PKIB: variants seen among roughly 807,000 people sequenced by gnomAD.
PKIB encodes PKI-beta.
In PKIB, 2 loss-of-function variants were observed where a neutral mutation model predicts 4.5. That is an observed-to-expected ratio of 0.44 (90% CI 0.18 to 1.39). PKIB has a LOEUF of 1.39. PKIB is among the 40% of genes most tolerant of loss of function. The pLI is 0.27. For missense variants in PKIB, 94 were observed against 92.6 expected (o/e 1.02, Z -0.06); for synonymous variants, 38 against 36.0 (o/e 1.06, Z -0.20).
intron 2 of PKIB, among the ~76,000 whole-genome samples, chr6:122,584,490 A>G (rs1773795741): frequency 6.6e-6 from 1 of 152,170 alleles, no homozygotes; most frequent in Non-Finnish European, 1.5e-5. Flanking sequence ...CCTGTAATAT[A>G]CTGACTAACT....
At chr6:122,486,162 C>G (rs769728640) in intron 2 of PKIB, among the ~76,000 whole-genome samples, 1 of 152,126 alleles carries the variant, frequency 6.6e-6, no homozygotes, top group Non-Finnish European at 1.5e-5. Flanking sequence ...TCTTTTAAAT[C>G]CATCACTGTC....
chr6:122,563,583 G>T (rs754004870), intron 2 of PKIB, among the ~76,000 whole-genome samples: 1 of 151,972 alleles, frequency 6.6e-6, no homozygotes, highest in African/African-American at 2.4e-5. Context: ...AACATCAGGC[G>T]GGGGCAGGAC....
intron 2 of PKIB, among the ~76,000 whole-genome samples, chr6:122,504,487 A>T (rs1465258592): frequency 6.6e-6 from 1 of 152,158 alleles, no homozygotes. Context: ...GTTGCTCAGA[A>T]AATGCAACCC....
rs1778146345 is a variant in PKIB at position 122,687,643 on chromosome 6, T to G, written c.-9+12499T>G. Among the ~76,000 whole-genome samples, 6 of 152,184 alleles carry G rather than the reference T, an allele frequency of 3.9e-5. No individual in the cohort carries two copies. The South Asian group carries it at 1.2e-3, about 32-fold the overall frequency. On this transcript the variant is annotated intron_variant, in intron 3 of 4. Coordinates refer to ENST00000368452, the MANE Select transcript of PKIB (RefSeq NM_181795.3). ...ATTTTTTGTGTCCTCTTTAATTTCTTTTGTCAGGGTTTTAGTTTTTATTGT... is the reference window on the plus strand; with the variant it reads ...ATTTTTTGTGTCCTCTTTAATTTCTGTTGTCAGGGTTTTAGTTTTTATTGT...
chr6:122,665,815 C>G (rs956178387), intron 2 of PKIB, among the ~76,000 whole-genome samples: 3 of 152,124 alleles, frequency 2.0e-5, no homozygotes, highest in East Asian at 1.9e-4. Flanking sequence ...TCCTCCACCC[C>G]CTAACCTGAC....
chr6:122,509,268 T>C (rs1373742319), intron 2 of PKIB, among the ~76,000 whole-genome samples: 6 of 152,186 alleles, frequency 3.9e-5, no homozygotes, highest in African/African-American at 1.4e-4. Context: ...TTATTTAGGA[T>C]AATGATTATT....
At chr6:122,487,770 T>C (rs1775812189) in intron 2 of PKIB, among the ~76,000 whole-genome samples, 1 of 152,186 alleles carries the variant, frequency 6.6e-6, no homozygotes, top group Non-Finnish European at 1.5e-5. Flanking sequence ...CTGTTGTTTA[T>C]ACGCTACCCA....
chr6:122,717,817 T>TGACTGAC lies in PKIB; in HGVS notation c.25_31dup (p.Val11AspfsTer2). The TGACTGAC allele has an allele frequency of 1.2e-6, 2 of 1,614,124 alleles. No individual in the cohort carries two copies. The highest frequency in any genetic ancestry group is 1.7e-6 in the Non-Finnish European group (2 of 1,179,986). On this transcript the variant is annotated frameshift_variant, in exon 4 of 5. Transcript: ENST00000368452. LOFTEE classifies it high-confidence loss of function. ...GCTATGAGGACAGATTCATCAAAAA[T>TGACTGAC]GACTGACGTGGAGTCTGGGGTCGCC...
At chr6:122,560,274 CT>C (rs376978096) in intron 2 of PKIB, among the ~76,000 whole-genome samples, 41 of 145,994 alleles carry the variant, frequency 2.8e-4, no homozygotes, top group African/African-American at 3.8e-4. Flanking sequence ...TTGTTGAATG[CT>C]TTTTTTTTTG....
intron 2 of PKIB, among the ~76,000 whole-genome samples, chr6:122,558,631 A>C (rs1164082189): frequency 6.6e-6 from 1 of 152,250 alleles, no homozygotes; most frequent in Non-Finnish European, 1.5e-5. Context: ...ATGTATCTTC[A>C]ACATTTCTTT....
At chr6:122,507,758 AT>A (rs1413045483) in intron 2 of PKIB, among the ~76,000 whole-genome samples, 7 of 151,876 alleles carry the variant, frequency 4.6e-5, no homozygotes, top group Non-Finnish European at 1.0e-4. Flanking sequence ...TTCTGGGGAA[AT>A]ACAAACAAAC....
chr6:122,477,099 A>C (rs1562221913), intron 1 of PKIB, among the ~76,000 whole-genome samples: 1 of 152,208 alleles, frequency 6.6e-6, no homozygotes, highest in Non-Finnish European at 1.5e-5. Flanking sequence ...TATTTCAATG[A>C]CATTAATATA....
intron 2 of PKIB, chr6:122,585,526 G>T (rs1773825093): frequency 6.6e-6 from 1 of 152,134 alleles, no homozygotes; most frequent in Non-Finnish European, 1.5e-5. Flanking sequence ...ACAAGGCTCA[G>T]TGCTAAAGGA....
chr6:122,495,358 T>C (rs929556401), intron 2 of PKIB, among the ~76,000 whole-genome samples: 9 of 152,046 alleles, frequency 5.9e-5, no homozygotes, highest in African/African-American at 2.2e-4. Flanking sequence ...CCTGAACATT[T>C]CACCTGTGGT....
intron 2 of PKIB, among the ~76,000 whole-genome samples, chr6:122,497,421 A>G (rs1330620501): frequency 1.3e-5 from 2 of 152,320 alleles, no homozygotes; most frequent in South Asian, 4.1e-4. Flanking sequence ...CTTAGAAGGC[A>G]AAGAGCAGCA....
In PKIB at chr6:122,690,930, A is replaced by ATT. The variant is rs1287193423; in HGVS notation, c.-9+15787_-9+15788insTT. Among the ~76,000 whole-genome samples, 685 of 131,022 alleles carry ATT rather than the reference A, an allele frequency of 5.2e-3. 8 individuals carry two copies. The highest frequency in any genetic ancestry group is 0.019 in the African/African-American group (642 of 33,090). 86.0% of individuals were successfully genotyped at this position (131,022 alleles called of 152,430 possible). ...ATGCTTGAAGGATATATATATATAT[A>ATT]TATTTTTTTTTTTTTTTGCCAAATA... On this transcript the variant is annotated intron_variant, in intron 3 of 4. Transcript: ENST00000368452.
chr6:122,596,794 C>T (rs528917361), intron 3 of PKIB, among the ~76,000 whole-genome samples: 50 of 152,278 alleles, frequency 3.3e-4, no homozygotes, highest in East Asian at 5.8e-4. Flanking sequence ...TTGGATCTGT[C>T]GGGTCATATG....
intron 2 of PKIB, among the ~76,000 whole-genome samples, chr6:122,522,327 G>A (rs1171595911): frequency 5.9e-5 from 9 of 152,304 alleles, no homozygotes; most frequent in Admixed American, 1.3e-4. Flanking sequence ...CTCTGTCGGG[G>A]TGGGATCCAC....
chr6:122,572,863 G>A (rs929508334), intron 2 of PKIB, among the ~76,000 whole-genome samples: 2 of 151,962 alleles, frequency 1.3e-5, no homozygotes, highest in African/African-American at 4.8e-5. Context: ...ACACAAACTA[G>A]AAAATCTAGA....
Sources: gnomAD v4.1 joint callset for allele counts (sites outside exome capture counted in the v4.1 genomes callset) on GRCh38, gnomAD v4.1.1 for gene constraint, MANE v1.5 for transcripts, NCBI Gene and HGNC (gene_info 2026-07-23, HGNC 2026-07-21) for gene names.